HSD17B4: variants seen among roughly 807,000 people sequenced by gnomAD.
HSD17B4 encodes the protein hydroxysteroid 17-beta dehydrogenase 4, also known as peroxisomal multifunctional enzyme type 2.
A neutral mutation model predicts 101.0 loss-of-function variants in HSD17B4; 70 were observed. That is an observed-to-expected ratio of 0.69 (90% CI 0.57 to 0.85). The LOEUF (loss-of-function observed/expected upper bound fraction) is 0.85, where lower values mean the gene tolerates loss of function less well. Ranked by LOEUF, HSD17B4 falls within the 40% of genes least tolerant of loss-of-function variation. HSD17B4 has a pLI of 0.00. For synonymous variants in HSD17B4, 347 were observed against 297.1 expected (o/e 1.17, Z -1.73); for missense variants, 984 against 892.4 (o/e 1.10, Z -1.31).
In HSD17B4 at chr5:119,474,465, T is replaced by C. The variant is rs2126684592; in HGVS notation, c.280+5T>C. 6.4e-7 allele frequency: 1 copy of C among 1,569,978 alleles called. No homozygotes were observed. The highest frequency in any genetic ancestry group is 8.8e-7 in the Non-Finnish European group (1 of 1,139,776). ...TGGATGCTTTTGGAAGAATAGGTGA[T>C]GTTTCTTTGTGTTATGGCTCTTGTG... On this transcript the variant is annotated splice_donor_5th_base_variant and intron_variant, in intron 4 of 23. Coordinates refer to ENST00000510025, the MANE Select transcript of HSD17B4 (RefSeq NM_000414.4).
chr5:119,521,564 T>G (rs190935861), intron 17 of HSD17B4, among the ~76,000 whole-genome samples: 1 of 152,218 alleles, frequency 6.6e-6, no homozygotes, highest in East Asian at 1.9e-4. Context: ...TTTAGTTGCT[T>G]CTTGATCTCA....
At chr5:119,535,001 A>C (rs1011005743) in intron 22 of HSD17B4, among the ~76,000 whole-genome samples, 1 of 152,088 alleles carries the variant, frequency 6.6e-6, no homozygotes, top group African/African-American at 2.4e-5. Context: ...GAATTATAGA[A>C]AAGTTGCAAA....
intron 11 of HSD17B4, among the ~76,000 whole-genome samples, chr5:119,494,706 G>C (rs1473436380): frequency 6.6e-6 from 1 of 151,988 alleles, no homozygotes; most frequent in African/African-American, 2.4e-5. Context: ...TTAATTGCCT[G>C]GTAAGTTCCT....
At chr5:119,533,080 TC>T (rs1206555241) in intron 22 of HSD17B4, among the ~76,000 whole-genome samples, 1 of 152,076 alleles carries the variant, frequency 6.6e-6, no homozygotes, top group African/African-American at 2.4e-5. Flanking sequence ...CCAAAACACA[TC>T]AGCCTGAAGC....
intron 2 of HSD17B4, among the ~76,000 whole-genome samples, chr5:119,459,993 C>T (rs1157144081): frequency 6.6e-6 from 1 of 151,856 alleles, no homozygotes; most frequent in Non-Finnish European, 1.5e-5. Context: ...GCCTCAGCCT[C>T]CTAAGTAGCT....
In HSD17B4 at chr5:119,531,530, C is replaced by G. The variant is rs192802207; in HGVS notation, c.1993+126C>G. The G allele has an allele frequency of 1.1e-4, 95 of 888,024 alleles. 1 individual carries two copies. The African/African-American group carries it at 1.4e-3, about 13-fold the overall frequency. 55.0% of individuals were successfully genotyped at this position (888,024 alleles called of 1,614,324 possible). ...TTTTTAGGTAAGTTTTTTTTCTTTTCCCGTGGGAATGAATAGGTTTGGGAA... is the reference window on the plus strand; with the variant it reads ...TTTTTAGGTAAGTTTTTTTTCTTTTGCCGTGGGAATGAATAGGTTTGGGAA... On this transcript the variant is annotated intron_variant, in intron 22 of 23. Coordinates refer to ENST00000510025, the MANE Select transcript of HSD17B4 (RefSeq NM_000414.4).
At position 119,509,061 on chromosome 5, in the gene HSD17B4, A is replaced by G. The variant is rs1193022360; in HGVS notation, c.1334-80A>G. 7 of 805,608 alleles carry G rather than the reference A, an allele frequency of 8.7e-6. No homozygotes were observed. The East Asian group carries it at 1.5e-4, about 17-fold the overall frequency. The allele number at this position is 805,608 out of a possible 1,614,324, so 49.9% of individuals were successfully genotyped here. A position where few individuals can be genotyped will look rare whatever the true frequency, so the allele number is the denominator to read the frequency against. The stretch of plus-strand genomic sequence containing the variant: ...ATTTTGTTTTTGAAACCTTGACAGG[A>G]ATTGTTGAACCTATCTTGGTTAACT... On this transcript the variant is annotated intron_variant, in intron 15 of 23. Coordinates refer to ENST00000510025, the MANE Select transcript of HSD17B4 (RefSeq NM_000414.4).
intron 23 of HSD17B4, 53 bp downstream of exon 23, chr5:119,536,603 C>G: frequency 6.3e-7 from 1 of 1,578,904 alleles, no homozygotes; most frequent in African/African-American, 1.3e-5. Context: ...CCTCTTTTGA[C>G]AATTGCAGTT....
rs142895145 is a variant in HSD17B4 at position 119,515,282 on chromosome 5, C to A, written c.1503+236C>A. Among the ~76,000 whole-genome samples, 523 of 151,814 alleles carry A rather than the reference C, an allele frequency of 3.4e-3. 2 individuals carry two copies. Among genetic ancestry groups the A allele is most frequent in the African/African-American group, 0.012 (483 of 41,382 alleles). On this transcript the variant is annotated intron_variant, in intron 17 of 23. Transcript: ENST00000510025. ...AAATATAAAATGGTTTTTTATTAGT[C>A]AATTTAAAAAGCATTGCATGTTGTT...
intron 9 of HSD17B4, 104 bp downstream of exon 9, chr5:119,489,387 C>T (rs1749896812): frequency 1.3e-6 from 1 of 777,574 alleles, no homozygotes; most frequent in Middle Eastern, 2.3e-4. Context: ...AATATTGTGT[C>T]TATGTTATAA....
In HSD17B4 at chr5:119,536,443, T is replaced by C. The variant is rs1162719276; in HGVS notation, c.2014T>C (p.Ser672Pro). Residue 672 changes from serine to proline, a missense_variant, in exon 23 of 24, where the codon TCT becomes CCT. By Grantham distance (74) the Ser-to-Pro change is moderately conservative. Transcript: ENST00000510025. ...AKWTIDLKSG[S>P]GKVYQGPAKG... is the part of the protein sequence containing the mutation. ...CCCAGCTATTGACCTGAAAAGTGGT[T>C]CTGGAAAAGTGTACCAAGGCCCTGC... 5.0e-6 allele frequency: 8 copies of C among 1,612,358 alleles called. No individual in the cohort carries two copies. The highest frequency in any genetic ancestry group is 5.9e-6 in the Non-Finnish European group (7 of 1,178,786).
At chr5:119,494,333 C>G (rs1750415152) in intron 11 of HSD17B4, among the ~76,000 whole-genome samples, 1 of 116,580 alleles carries the variant, frequency 8.6e-6, no homozygotes, top group East Asian at 2.3e-4. Context: ...TCTTTTCTTT[C>G]TTTCTTTCTT....
chr5:119,529,790 A>G, intron 20 of HSD17B4, 104 bp from the exon 21 acceptor site: 5 of 717,902 alleles, frequency 7.0e-6, no homozygotes, highest in South Asian at 4.7e-5. Context: ...ATTCTTTTTC[A>G]TATGAGGCAA....
At chr5:119,456,767 G>T in intron 2 of HSD17B4, 1 of 232,026 alleles carries the variant, frequency 4.3e-6, no homozygotes, top group South Asian at 6.0e-5. Flanking sequence ...AAAAGGGTGG[G>T]GACAAGCATT....
At position 119,527,206 on chromosome 5, in the gene HSD17B4, A is replaced by G. The variant is rs1360066465; in HGVS notation, c.1754A>G (p.His585Arg). 1.2e-6 allele frequency: 2 copies of G among 1,600,652 alleles called. No individual in the cohort carries two copies. Among genetic ancestry groups the G allele is most frequent in the Non-Finnish European group, 1.7e-6 (2 of 1,168,360 alleles). ...ATGTGGAAGGAAGGAAACAGAATTC[A>G]TTTTCAAACCAAGGTATGAATTTTG... ...TEMWKEGNRI[H>R]FQTKVQETGD... is the part of the protein sequence containing the mutation. The change falls in exon 20 of 24, where the codon CAT becomes CGT. Residue 585 changes from histidine to arginine, a missense_variant. Transcript: ENST00000510025.
chr5:119,484,548 T>A (rs1009936112), intron 8 of HSD17B4, among the ~76,000 whole-genome samples: 2 of 152,170 alleles, frequency 1.3e-5, no homozygotes. Context: ...GAACTGTGGC[T>A]TTTGGTACTC....
At chr5:119,457,141 T>A (rs1754758838) in intron 2 of HSD17B4, among the ~76,000 whole-genome samples, 1 of 152,214 alleles carries the variant, frequency 6.6e-6, no homozygotes, top group African/African-American at 2.4e-5. Context: ...TGACAGTTGG[T>A]GTGGACACAG....
intron 2 of HSD17B4, among the ~76,000 whole-genome samples, chr5:119,458,125 A>C (rs1754854468): frequency 6.6e-6 from 1 of 152,218 alleles, no homozygotes; most frequent in Non-Finnish European, 1.5e-5. Flanking sequence ...AATTGTGTCA[A>C]GTCCTGATAA....
At chr5:119,462,213 T>C (rs1465233331) in intron 2 of HSD17B4, among the ~76,000 whole-genome samples, 4 of 151,602 alleles carry the variant, frequency 2.6e-5, no homozygotes, top group Admixed American at 2.6e-4. Context: ...GTGGTTGATT[T>C]ATCTTTTGCT....
Sources: allele counts gnomAD v4.1 joint callset (sites outside exome capture counted in the v4.1 genomes callset), GRCh38; gene constraint gnomAD v4.1.1; transcripts MANE v1.5; gene names NCBI Gene and HGNC (gene_info 2026-07-23, HGNC 2026-07-21).